Variants in BTD observed in about 807,000 individuals in gnomAD.
The protein encoded by BTD is biocytinase.
A neutral mutation model predicts 17.7 loss-of-function variants in BTD; 13 were observed. That is an observed-to-expected ratio of 0.74 (90% confidence interval 0.48 to 1.17). The LOEUF is 1.17. BTD is among the 50% of genes most tolerant of loss of function. BTD has a pLI of 0.00. For synonymous variants in BTD, 240 were observed against 245.2 expected, an observed-to-expected ratio of 0.98 and a Z score of 0.20; for missense variants, 674 against 650.4, an observed-to-expected ratio of 1.04 and a Z score of -0.39.
chr3:15,676,973 C>T, intron 3 of BTD: 2 of 1,611,246 alleles, frequency 1.2e-6, no homozygotes, highest in Non-Finnish European at 1.7e-6. Context: ...ACAGTACTCA[C>T]GTTTGCAAGG....
chr3:15,712,113 A>G (rs1409137189), exon 4 of BTD: 35 of 1,547,866 alleles, frequency 2.3e-5, no homozygotes, highest in Non-Finnish European at 3.1e-5. Context: ...GAGGAGACAT[A>G]CAAAAGGCTG....
intron 3 of BTD, among the ~76,000 whole-genome samples, chr3:15,697,061 G>A (rs929034314): frequency 6.6e-6 from 1 of 152,160 alleles, no homozygotes; most frequent in Non-Finnish European, 1.5e-5. Context: ...ATCAACGAAC[G>A]AGTGCGTAAA....
chr3:15,675,710 G>C (rs553796863), intron 3 of BTD, among the ~76,000 whole-genome samples: 1 of 152,242 alleles, frequency 6.6e-6, no homozygotes, highest in Non-Finnish European at 1.5e-5. Context: ...ATAGGAATTC[G>C]GAAGTACATC....
At chr3:15,674,618 T>C (rs988689650) in intron 3 of BTD, among the ~76,000 whole-genome samples, 1 of 152,176 alleles carries the variant, frequency 6.6e-6, no homozygotes, top group African/African-American at 2.4e-5. Context: ...CTCAGCATTA[T>C]AGGTAGTATT....
chr3:15,712,376 G>C (rs1241735683), exon 4 of BTD, among the ~76,000 whole-genome samples: 1 of 152,156 alleles, frequency 6.6e-6, no homozygotes, highest in African/African-American at 2.4e-5. Context: ...TTGATGGTGG[G>C]CATAACTTAT....
chr3:15,613,389 A>G (rs976495724), intron 1 of BTD, among the ~76,000 whole-genome samples: 11 of 151,932 alleles, frequency 7.2e-5, no homozygotes, highest in Middle Eastern at 6.3e-3. Flanking sequence ...TGCTGCTTCT[A>G]TCTTTGCCAT....
At chr3:15,634,050 T>C (rs1330316265) in intron 1 of BTD, among the ~76,000 whole-genome samples, 1 of 152,176 alleles carries the variant, frequency 6.6e-6, no homozygotes, top group African/African-American at 2.4e-5. Context: ...AATAACAGTT[T>C]GAGATGGAAC....
At chr3:15,687,653 TATA>T (rs2068292616) in intron 3 of BTD, among the ~76,000 whole-genome samples, 3 of 151,140 alleles carry the variant, frequency 2.0e-5, no homozygotes, top group Non-Finnish European at 4.4e-5. Flanking sequence ...TTCCCACAGT[TATA>T]TTAAATACTA....
intron 3 of BTD, among the ~76,000 whole-genome samples, chr3:15,663,285 C>T (rs1222614780): frequency 6.6e-6 from 1 of 152,230 alleles, no homozygotes; most frequent in South Asian, 2.1e-4. Context: ...TGAGCCGCCG[C>T]GCCTGGCCTA....
intron 1 of BTD, among the ~76,000 whole-genome samples, chr3:15,605,841 C>T (rs183393397): frequency 2.6e-5 from 4 of 151,960 alleles, no homozygotes; most frequent in South Asian, 2.1e-4. Flanking sequence ...GTCAGGAGTT[C>T]GAGGCCAGCC....
chr3:15,695,338 T>C (rs144228633), intron 3 of BTD: 2 of 688,108 alleles, frequency 2.9e-6, no homozygotes, highest in East Asian at 2.7e-5. Context: ...TCCAAAAAAT[T>C]AGGTGTTTTG....
rs373934194 is a variant in BTD, at chr3:15,663,147, G to A, written c.399+21090G>A. On this transcript the variant is annotated intron_variant, in intron 3 of 3. Transcript: ENST00000672141. The stretch of plus-strand genomic sequence containing the variant: ...CAAGTAGCTGGGATTATAGGCATGC[G>A]CCGCCATGCCCGGCTAATTTTTATT... Among the ~76,000 whole-genome samples, 59 of 152,122 alleles carry A rather than the reference G, an allele frequency of 3.9e-4. No individual in the cohort carries two copies. The East Asian group carries it at 0.01, about 26-fold the overall frequency.
exon 4 of BTD, chr3:15,711,239 T>C: frequency 6.2e-7 from 1 of 1,612,824 alleles, no homozygotes; most frequent in South Asian, 1.1e-5. Flanking sequence ...TGTAGACAAG[T>C]CCTGCCAAAA....
intron 2 of BTD, among the ~76,000 whole-genome samples, chr3:15,638,706 T>C (rs569825452): frequency 1.6e-4 from 25 of 152,338 alleles, no homozygotes; most frequent in African/African-American, 5.3e-4. Flanking sequence ...CATTAGGCCA[T>C]TGTGTCATTG....
At chr3:15,684,157 TA>T (rs1341157146) in intron 3 of BTD, 1 of 152,240 alleles carries the variant, frequency 6.6e-6, no homozygotes, top group Non-Finnish European at 1.5e-5. Context: ...GTATATAATG[TA>T]CTTGAGTTTT....
chr3:15,718,469 C>G (rs909185041), intron 4 of BTD, among the ~76,000 whole-genome samples: 1 of 152,200 alleles, frequency 6.6e-6, no homozygotes, highest in East Asian at 1.9e-4. Context: ...GCATTTTACT[C>G]TAAGTGGGCC....
In BTD at chr3:15,653,274, A is replaced by C. The variant is rs1305843208; in HGVS notation, c.*7786A>C. Among the ~76,000 whole-genome samples, 5 of 152,250 alleles carry C rather than the reference A, an allele frequency of 3.3e-5. No homozygotes were observed. Among genetic ancestry groups the C allele is most frequent in the Non-Finnish European group, 7.3e-5 (5 of 68,040 alleles). ...TCCGATCCTAATCAAGTGTGAGCCC[A>C]CTGTCTAATGCGGTGCATACCAAAG... On this transcript the variant is annotated 3_prime_UTR_variant, in exon 4 of 4. Coordinates refer to ENST00000643237, the MANE Select transcript of BTD (RefSeq NM_001370658.1).
At chr3:15,610,971 C>G (rs892612051) in intron 1 of BTD, among the ~76,000 whole-genome samples, 1 of 145,056 alleles carries the variant, frequency 6.9e-6, no homozygotes, top group African/African-American at 2.6e-5. Context: ...AAAAAAAAAA[C>G]AGGACTCCAA....
At chr3:15,641,557 C>A (rs2065509828) in intron 2 of BTD, among the ~76,000 whole-genome samples, 1 of 152,226 alleles carries the variant, frequency 6.6e-6, no homozygotes, top group Non-Finnish European at 1.5e-5. Flanking sequence ...GGCCCCATCT[C>A]CCCTGGTATC....
Sources: gnomAD v4.1 joint callset for allele counts (sites outside exome capture counted in the v4.1 genomes callset) on GRCh38, gnomAD v4.1.1 for gene constraint, MANE v1.5 for transcripts, NCBI Gene and HGNC (gene_info 2026-07-23, HGNC 2026-07-21) for gene names.